The following SLC9B1 variants were observed in gnomAD, a reference collection of about 807,000 sequenced individuals.
SLC9B1 encodes the protein solute carrier family 9 member B1.
Under a neutral mutation model 51.7 loss-of-function variants are expected in SLC9B1, and 32 were observed. The observed-to-expected ratio is 0.62, with a 90% confidence interval of 0.47 to 0.83. SLC9B1 has a LOEUF of 0.83. SLC9B1 is among the 40% of genes least tolerant of loss of function. The pLI, the probability that SLC9B1 is intolerant of heterozygous loss-of-function variation, is 0.00. For synonymous variants in SLC9B1, 145 were observed against 212.7 expected, an observed-to-expected ratio of 0.68 and a Z score of 2.77; for missense variants, 406 against 613.2, an observed-to-expected ratio of 0.66 and a Z score of 3.57.
intron 3 of SLC9B1, among the ~76,000 whole-genome samples, chr4:102,982,349 T>C (rs568352084): frequency 6.6e-6 from 1 of 152,236 alleles, no homozygotes; most frequent in Non-Finnish European, 1.5e-5. Context: ...AGTTCTCTGA[T>C]TTTGTTTCTC....
chr4:102,936,809 C>T (rs984069415), intron 6 of SLC9B1, among the ~76,000 whole-genome samples: 1 of 152,134 alleles, frequency 6.6e-6, no homozygotes, highest in African/African-American at 2.4e-5. Flanking sequence ...AAAGAATAAG[C>T]AAGTTGGAAA....
At chr4:102,968,578 A>G (rs2110495938) in intron 3 of SLC9B1, among the ~76,000 whole-genome samples, 1 of 152,372 alleles carries the variant, frequency 6.6e-6, no homozygotes, top group East Asian at 1.9e-4. Context: ...ATGGCCGAAT[A>G]GGAACAGCTC....
chr4:102,887,614 G>A (rs1733997198), intron 11 of SLC9B1: 1 of 455,624 alleles, frequency 2.2e-6, no homozygotes. Context: ...CTCTTATTCT[G>A]ACTTCAAAGA....
intron 1 of SLC9B1, among the ~76,000 whole-genome samples, chr4:103,017,535 AT>A (rs1273111389): frequency 1.3e-5 from 2 of 152,156 alleles, no homozygotes; most frequent in Non-Finnish European, 2.9e-5. Context: ...GGTCTTGATG[AT>A]GTTCCTGGAA....
At chr4:103,001,261 G>C (rs183671340) in intron 1 of SLC9B1, among the ~76,000 whole-genome samples, 2 of 152,338 alleles carry the variant, frequency 1.3e-5, no homozygotes, top group East Asian at 1.9e-4. Context: ...TTCCAGACCT[G>C]TTATGGGAGG....
chr4:102,948,347 C>G (rs1388877951), intron 4 of SLC9B1, among the ~76,000 whole-genome samples: 2 of 150,612 alleles, frequency 1.3e-5, no homozygotes, highest in Non-Finnish European at 3.0e-5. Context: ...CACACACACA[C>G]ACACACACAC....
At chr4:102,998,495 A>G (rs1348900713) in intron 1 of SLC9B1, among the ~76,000 whole-genome samples, 1 of 152,076 alleles carries the variant, frequency 6.6e-6, no homozygotes, top group Non-Finnish European at 1.5e-5. Context: ...GTGTACCAAT[A>G]TCTGTTTGAA....
intron 3 of SLC9B1, among the ~76,000 whole-genome samples, chr4:102,970,916 T>A (rs1738722172): frequency 6.6e-6 from 1 of 152,136 alleles, no homozygotes; most frequent in African/African-American, 2.4e-5. Context: ...GGTAAAGGGA[T>A]CAATGCAACA....
At chr4:102,917,669 C>A (rs1243786184) in intron 7 of SLC9B1, among the ~76,000 whole-genome samples, 1 of 151,992 alleles carries the variant, frequency 6.6e-6, no homozygotes, top group Non-Finnish European at 1.5e-5. Flanking sequence ...AACTACCTAC[C>A]TTAAAAAAGA....
intron 3 of SLC9B1, among the ~76,000 whole-genome samples, chr4:102,970,391 C>T (rs1463099834): frequency 6.6e-6 from 1 of 152,114 alleles, no homozygotes; most frequent in Non-Finnish European, 1.5e-5. Context: ...TCAAACTAAG[C>T]TTCATAAGTG....
At position 102,905,674 on chromosome 4, in the gene SLC9B1, A is replaced by G. The variant is rs182585416; in HGVS notation, c.1196-24T>C. On this transcript the variant is annotated intron_variant, in intron 10 of 11. Coordinates refer to ENST00000296422, the MANE Select transcript of SLC9B1 (RefSeq NM_139173.4). ...GCCTACAACAGATGAAAACAAACAT[A>G]AATAACAAAATATTTGTGAAGAAGT... The G allele has an allele frequency of 4.0e-4, 642 of 1,594,680 alleles. 1 individual carries two copies. The highest frequency in any genetic ancestry group is 7.4e-4 in the South Asian group (65 of 87,366).
intron 6 of SLC9B1, among the ~76,000 whole-genome samples, chr4:102,935,750 A>G (rs947107387): frequency 6.6e-6 from 1 of 152,368 alleles, no homozygotes; most frequent in African/African-American, 2.4e-5. Flanking sequence ...CACTTGTTAG[A>G]AGTCCAGAAC....
intron 3 of SLC9B1, among the ~76,000 whole-genome samples, chr4:102,970,828 G>A (rs1011990525): frequency 3.9e-5 from 6 of 151,986 alleles, no homozygotes; most frequent in African/African-American, 1.4e-4. Flanking sequence ...AAATAGCAGG[G>A]GTTGCAATCC....
chr4:102,987,293 G>A (rs1739677394), intron 3 of SLC9B1, among the ~76,000 whole-genome samples: 1 of 152,052 alleles, frequency 6.6e-6, no homozygotes, highest in Admixed American at 6.6e-5. Flanking sequence ...GGCTAGAGGA[G>A]GCTGACTAGA....
intron 7 of SLC9B1, among the ~76,000 whole-genome samples, chr4:102,928,569 C>A (rs1578355159): frequency 6.6e-6 from 1 of 152,192 alleles, no homozygotes; most frequent in African/African-American, 2.4e-5. Context: ...CTTCCACATT[C>A]TCAGGTATTT....
At chr4:102,995,464 T>G (rs1230373419) in intron 1 of SLC9B1, among the ~76,000 whole-genome samples, 1 of 152,106 alleles carries the variant, frequency 6.6e-6, no homozygotes, top group Non-Finnish European at 1.5e-5. Flanking sequence ...GCAGCATATT[T>G]TAAGATATGT....
At chr4:102,969,201 C>T (rs2623071) in intron 3 of SLC9B1, among the ~76,000 whole-genome samples, 149,565 of 152,336 alleles carry the variant, frequency 0.98, 73,439 homozygotes, top group East Asian at 1. Context: ...ACCATGGAGT[C>T]TGAACTCTGA....
intron 3 of SLC9B1, among the ~76,000 whole-genome samples, chr4:102,988,247 C>G (rs1363067031): frequency 5.3e-5 from 8 of 152,128 alleles, no homozygotes; most frequent in African/African-American, 1.4e-4. Context: ...TCTAAATCTA[C>G]TGTCCTAGAC....
chr4:102,951,891 G>A (rs927208008), intron 3 of SLC9B1, among the ~76,000 whole-genome samples: 2 of 140,592 alleles, frequency 1.4e-5, no homozygotes, highest in Non-Finnish European at 3.1e-5. Flanking sequence ...TTCTAATCAG[G>A]ATTAAGTAAA....
Sources: allele counts gnomAD v4.1 joint callset (sites outside exome capture counted in the v4.1 genomes callset), GRCh38; gene constraint gnomAD v4.1.1; transcripts MANE v1.5; gene names NCBI Gene and HGNC (gene_info 2026-07-23, HGNC 2026-07-21).